The following ELAC2 variants were observed in gnomAD, a reference collection of about 807,000 sequenced individuals.
ELAC2 encodes the protein elaC ribonuclease Z 2.
Under a neutral mutation model 105.2 loss-of-function variants are expected in ELAC2, and 92 were observed. The observed-to-expected ratio is 0.87, with a 90% CI of 0.74 to 1.04. The LOEUF is 1.04. Among genes scored for constraint, ELAC2 ranks in the 50% least tolerant of loss-of-function variants. ELAC2 has a pLI of 0.00. For synonymous variants in ELAC2, 468 were observed against 409.1 expected (o/e 1.14, Z -1.74); for missense variants, 1,099 against 1,071.7 (o/e 1.03, Z -0.36).
intron 15 of ELAC2, among the ~76,000 whole-genome samples, 163 bp downstream of exon 15, chr17:12,999,993 C>T (rs959407672): frequency 3.3e-5 from 5 of 152,206 alleles, no homozygotes; most frequent in African/African-American, 1.2e-4. Context: ...AAGCCCCCTC[C>T]TCCAATGACT....
chr17:12,994,794 T>C lies in ELAC2; in HGVS notation c.1999A>G (p.Thr667Ala). 1 of 1,613,994 alleles carries C rather than the reference T, an allele frequency of 6.2e-7. No individual in the cohort carries two copies. ...CGGACCAGAGCCTCGCAGGGCATGG[T>C]GTCCCCGGAATAGACCACTTTCCAG... The part of the protein sequence containing the change: ...SGWKVVYSGD[T>A]MPCEALVRMG... The change falls in exon 21 of 24, where the codon ACC becomes GCC. Residue 667 changes from threonine (T) to alanine (A), a missense_variant. Thr to Ala is a moderately conservative substitution (Grantham distance 58). Transcript: ENST00000338034.
intron 14 of ELAC2, chr17:13,000,535 T>C (rs2040734222): frequency 4.0e-6 from 2 of 495,846 alleles, no homozygotes; most frequent in Non-Finnish European, 3.7e-6. Context: ...CCAGTGCTGC[T>C]GTCCTGGTGC....
In ELAC2 at chr17:13,018,013, C is replaced by A; in HGVS notation, c.-66G>T. ...TACGCCCGCGTTTCCCGTGCACCACCTAGCCGCTCCGCATGGCGGATCCAG... is the reference window on the plus strand; with the variant it reads ...TACGCCCGCGTTTCCCGTGCACCACATAGCCGCTCCGCATGGCGGATCCAG... On this transcript the variant is annotated 5_prime_UTR_variant, in exon 1 of 24. It adds an upstream start codon to the 5' untranslated region. Coordinates refer to ENST00000338034, the MANE Select transcript of ELAC2 (RefSeq NM_018127.7). The A allele has an allele frequency of 1.3e-6, 2 of 1,532,188 alleles. No homozygotes were observed. Among genetic ancestry groups the A allele is most frequent in the Non-Finnish European group, 1.7e-6 (2 of 1,145,876 alleles). The allele number at this position is 1,532,188 out of a possible 1,614,324, so 94.9% of individuals were successfully genotyped here.
intron 4 of ELAC2, 124 bp from the exon 5 acceptor site, chr17:13,014,620 C>A: frequency 1.3e-6 from 1 of 772,194 alleles, no homozygotes; most frequent in Non-Finnish European, 2.3e-6. Flanking sequence ...ATATTTTGAA[C>A]ATCATTTATT....
chr17:13,010,778 G>A (rs2041372307), intron 7 of ELAC2, 107 bp from the exon 8 acceptor site: 4 of 992,266 alleles, frequency 4.0e-6, no homozygotes, highest in African/African-American at 1.6e-5. Context: ...AAAAATTAAT[G>A]GACGCTACTG....
At chr17:13,005,484 GA>G (rs1318077037) in intron 10 of ELAC2, among the ~76,000 whole-genome samples, 1 of 152,116 alleles carries the variant, frequency 6.6e-6, no homozygotes, top group Admixed American at 6.5e-5. Flanking sequence ...ACACTGTCCT[GA>G]GCTCAAGTAC....
At chr17:13,006,173 C>A in intron 8 of ELAC2, 194 bp from the exon 9 acceptor site, 1 of 618,478 alleles carries the variant, frequency 1.6e-6, no homozygotes, top group South Asian at 1.8e-5. Flanking sequence ...GAGTTTGAGA[C>A]CAGCCTGACC....
rs922940768 is a variant in ELAC2 at position 13,013,411 on chromosome 17, T to C, written c.491-136A>G. 6.6e-6 allele frequency: 6 copies of C among 908,792 alleles called. No homozygotes were observed. The African/African-American group carries it at 9.9e-5, about 15-fold the overall frequency. 56.3% of individuals were successfully genotyped at this position (908,792 alleles called of 1,614,324 possible). A position where few individuals can be genotyped will look rare whatever the true frequency, so the allele number is the denominator to read the frequency against. ...GGAATCTGACACGAAAACCAGACTTTCTAAGGAGATTACCATTTTTAGGAA... is the reference window on the plus strand; with the variant it reads ...GGAATCTGACACGAAAACCAGACTTCCTAAGGAGATTACCATTTTTAGGAA... On this transcript the variant is annotated intron_variant, in intron 5 of 23. Coordinates refer to ENST00000338034, the MANE Select transcript of ELAC2 (RefSeq NM_018127.7).
chr17:13,006,055 G>A, intron 8 of ELAC2, 76 bp from the exon 9 acceptor site: 3 of 1,427,020 alleles, frequency 2.1e-6, no homozygotes, highest in Admixed American at 1.7e-5. Context: ...TCTTAGAAGT[G>A]TATTTTTCTA....
intron 15 of ELAC2, among the ~76,000 whole-genome samples, chr17:12,998,911 G>A (rs865810323): frequency 1.3e-5 from 2 of 152,200 alleles, no homozygotes; most frequent in African/African-American, 4.8e-5. Context: ...AGCTAGGGCC[G>A]TGACCTTCAA....
In ELAC2 at chr17:13,014,666, C is replaced by G. The variant is rs373593938; in HGVS notation, c.433-170G>C. Among the ~76,000 whole-genome samples, 59 of 152,072 alleles carry G rather than the reference C, an allele frequency of 3.9e-4. No individual in the cohort carries two copies. The South Asian group carries it at 0.011, about 29-fold the overall frequency. On this transcript the variant is annotated intron_variant, in intron 4 of 23. Transcript: ENST00000338034. ...ACTGAGTATCCATTATATCAGATGC[C>G]AAGGATATAGCAGGAAAAAGAGATG...
In ELAC2 at chr17:12,992,692, C is replaced by T. The variant is rs984920314; in HGVS notation, c.*126G>A. 3.9e-5 allele frequency: 45 copies of T among 1,145,002 alleles called. No homozygotes were observed. The highest frequency in any genetic ancestry group is 2.7e-4 in the Middle Eastern group (1 of 3,702). The allele number at this position is 1,145,002 out of a possible 1,614,324, so 70.9% of individuals were successfully genotyped here. A position where few individuals can be genotyped will look rare whatever the true frequency, so the allele number is the denominator to read the frequency against. On this transcript the variant is annotated 3_prime_UTR_variant, in exon 24 of 24. Coordinates refer to ENST00000338034, the MANE Select transcript of ELAC2 (RefSeq NM_018127.7). ...GCCCAAGCCTCGGCACAGCTCCATA[C>T]CACCTATCCTGAGCTGCCTCCTGGG... is the stretch of plus-strand genomic sequence containing the variant.
Position 13,005,776 on chromosome 17 carries a change from T to G in ELAC2, c.847A>C (p.Ser283Arg), listed in dbSNP as rs1170259566. The change falls in exon 10 of 24, where the codon AGC (serine) becomes CGC (arginine). Residue 283 changes from serine to arginine, a missense_variant. Physicochemically the swap from Ser to Arg is moderately radical, Grantham distance 110. Coordinates refer to ENST00000338034, the MANE Select transcript of ELAC2 (RefSeq NM_018127.7). ...ACCTCTCTTCCTTCATGAGTGATGC[T>G]TTTCCCGTCCTTGACAGCAGCAATG... ...PIIAAVKDGK[S>R]ITHEGREILA... is the part of the protein sequence containing the mutation. 2 of 1,614,124 alleles carry G rather than the reference T, an allele frequency of 1.2e-6. No homozygotes were observed. The highest frequency in any genetic ancestry group is 1.7e-5 in the Admixed American group (1 of 60,018).
chr17:12,996,593 G>C lies in ELAC2; in HGVS notation c.1613C>G (p.Thr538Ser), dbSNP rs770299965. 6.8e-6 allele frequency: 11 copies of C among 1,613,914 alleles called. No homozygotes were observed. In the Admixed American group the frequency reaches 8.3e-5, roughly 12 times the overall value. The change falls in exon 17 of 24, where the codon ACC becomes AGC. Residue 538 changes from threonine (T) to serine (S), a missense_variant. Thr to Ser is a moderately conservative substitution (Grantham distance 58). Coordinates refer to ENST00000338034, the MANE Select transcript of ELAC2 (RefSeq NM_018127.7). ...GTGGGACACAAACACAGCAGCCAGG[G>C]TGCCCAGGACCCTGTCCACCTGGTC... Reference protein sequence around the residue: ...YGDQVDRVLGTLAAVFVSHLH... With the variant: ...YGDQVDRVLGSLAAVFVSHLH...
chr17:13,006,166 T>C lies in ELAC2; in HGVS notation c.739-187A>G, dbSNP rs542298297. The C allele has an allele frequency of 5.6e-5, 36 of 645,400 alleles. No homozygotes were observed. In the Middle Eastern group the frequency reaches 2.4e-3, roughly 44 times the overall value. 40.0% of individuals were successfully genotyped at this position (645,400 alleles called of 1,614,324 possible). A position where few individuals can be genotyped will look rare whatever the true frequency, so the allele number is the denominator to read the frequency against. The stretch of plus-strand genomic sequence containing the variant: ...CGGGCAGATCACCTGAGGTCAGGAG[T>C]TTGAGACCAGCCTGACCAACGTGGA... On this transcript the variant is annotated intron_variant, in intron 8 of 23. Transcript: ENST00000338034.
At chr17:13,006,009 T>C (rs1435837051) in intron 8 of ELAC2, 30 bp from the exon 9 acceptor site, 1 of 1,602,716 alleles carries the variant, frequency 6.2e-7, no homozygotes. Flanking sequence ...GATGTGATCT[T>C]AGGGGCTAAT....
intron 8 of ELAC2, chr17:13,006,408 A>G (rs2143630967): frequency 4.3e-6 from 1 of 233,256 alleles, no homozygotes; most frequent in Non-Finnish European, 8.6e-6. Context: ...TTGTTTCCTT[A>G]CAATTCATTA....
Position 13,003,554 on chromosome 17 carries a change from G to T in ELAC2, c.1004C>A (p.Ala335Asp). The T allele has an allele frequency of 6.2e-7, 1 of 1,614,202 alleles. No homozygotes were observed. The highest frequency in any genetic ancestry group is 8.5e-7 in the Non-Finnish European group (1 of 1,180,034). Residue 335 changes from alanine (A) to aspartate (D), a missense_variant, in exon 12 of 24, where the codon GCC becomes GAC. Transcript: ENST00000338034. The stretch of plus-strand genomic sequence containing the variant: ...CATGTGAACCACCAAGGCCACGGGG[G>T]CATCTGCCTTTCCTTGGTACCTGGG... ...TFQRYQGKAD[A>D]PVALVVHMAP...
chr17:12,994,013 T>C (rs955762349), intron 22 of ELAC2, among the ~76,000 whole-genome samples, 182 bp from the exon 23 acceptor site: 17 of 152,142 alleles, frequency 1.1e-4, no homozygotes, highest in African/African-American at 3.9e-4. Context: ...CACACACCCC[T>C]GGATGAAGCC....
Sources: allele counts gnomAD v4.1 joint callset (sites outside exome capture counted in the v4.1 genomes callset), GRCh38; gene constraint gnomAD v4.1.1; transcripts MANE v1.5; gene names NCBI Gene and HGNC (gene_info 2026-07-23, HGNC 2026-07-21).